The following PDZD2 variants were observed in gnomAD, a reference collection of about 807,000 sequenced individuals.
PDZD2 encodes the protein PDZ domain-containing protein 2.
PDZD2 carries 90 observed loss-of-function variants against 220.7 expected under a neutral mutation model. That is an observed-to-expected ratio of 0.41 (90% confidence interval 0.34 to 0.49). PDZD2 has a LOEUF of 0.49. PDZD2 is among the 20% of genes least tolerant of loss of function. The pLI, the probability that PDZD2 is intolerant of heterozygous loss-of-function variation, is 0.28. For missense variants in PDZD2, 3,174 were observed against 3,608.5 expected, an observed-to-expected ratio of 0.88 and a Z score of 3.08; for synonymous variants, 1,375 against 1,450.5, an observed-to-expected ratio of 0.95 and a Z score of 1.18.
At chr5:31,982,999 A>C (rs976934069) in intron 2 of PDZD2, among the ~76,000 whole-genome samples, 156 bp from the exon 3 acceptor site, 5 of 152,152 alleles carry the variant, frequency 3.3e-5, no homozygotes, top group African/African-American at 1.2e-4. Context: ...ATAGATGAAA[A>C]GAATGAATTG....
chr5:31,710,605 G>A (rs1748044713), intron 1 of PDZD2, among the ~76,000 whole-genome samples: 2 of 152,110 alleles, frequency 1.3e-5, no homozygotes, highest in South Asian at 4.1e-4. Flanking sequence ...ATCACCTCAG[G>A]TTAGGAGTTT....
chr5:31,878,574 T>TTTTTTTTTTTTTC (rs1739545282), intron 2 of PDZD2, among the ~76,000 whole-genome samples: 1 of 122,780 alleles, frequency 8.1e-6, no homozygotes, highest in Non-Finnish European at 1.6e-5. Flanking sequence ...TTTTTTTTTT[T>TTTTTTTTTTTTTC]TTTTTGAGAC....
intron 21 of PDZD2, among the ~76,000 whole-genome samples, chr5:32,094,688 CTCA>C (rs891108182): frequency 1.3e-5 from 2 of 149,364 alleles, no homozygotes; most frequent in African/African-American, 4.9e-5. Context: ...AGTGAGACCC[CTCA>C]TCTCTCAAAA....
intron 1 of PDZD2, among the ~76,000 whole-genome samples, chr5:31,647,536 C>G (rs965375707): frequency 6.6e-6 from 1 of 152,142 alleles, no homozygotes; most frequent in Non-Finnish European, 1.5e-5. Flanking sequence ...TGTGGACATT[C>G]CTTGCACTGC....
intron 6 of PDZD2, among the ~76,000 whole-genome samples, chr5:32,010,841 C>G (rs564491596): frequency 1.3e-5 from 2 of 151,292 alleles, no homozygotes; most frequent in African/African-American, 4.9e-5. Context: ...ACTAAAAATA[C>G]AAAAATTAGC....
chr5:31,710,501 C>G (rs1262640774), intron 1 of PDZD2, among the ~76,000 whole-genome samples: 2 of 152,154 alleles, frequency 1.3e-5, no homozygotes, highest in Non-Finnish European at 2.9e-5. Flanking sequence ...GCTTCTTTGA[C>G]CCCTAGTTTC....
chr5:32,076,822 A>G (rs192142979), intron 18 of PDZD2, among the ~76,000 whole-genome samples: 1 of 152,248 alleles, frequency 6.6e-6, no homozygotes, highest in Admixed American at 6.5e-5. Context: ...CTCAGCTGGT[A>G]ACTGACATTT....
At chr5:31,883,553 A>G (rs560664693) in intron 2 of PDZD2, among the ~76,000 whole-genome samples, 3 of 151,970 alleles carry the variant, frequency 2.0e-5, no homozygotes, top group South Asian at 2.1e-4. Flanking sequence ...AGAAAAGTAC[A>G]TGAATCAGAT....
intron 2 of PDZD2, among the ~76,000 whole-genome samples, chr5:31,939,369 G>C (rs1746028591): frequency 1.3e-5 from 2 of 152,188 alleles, no homozygotes; most frequent in South Asian, 4.1e-4. Flanking sequence ...CCAGACTGAG[G>C]TCTGGACTCC....
intron 2 of PDZD2, among the ~76,000 whole-genome samples, chr5:31,950,925 C>T (rs1747121265): frequency 6.6e-6 from 1 of 152,188 alleles, no homozygotes; most frequent in Non-Finnish European, 1.5e-5. Flanking sequence ...TTATTGCTCA[C>T]AGTTCTGGAG....
chr5:31,928,184 A>G (rs4867091), intron 2 of PDZD2, among the ~76,000 whole-genome samples: 140,904 of 152,196 alleles, frequency 0.93, 65,333 homozygotes, highest in African/African-American at 0.97. Context: ...TCTTCAAAGC[A>G]CTGCTTCCCT....
chr5:31,911,429 C>A (rs1021369651), intron 2 of PDZD2, among the ~76,000 whole-genome samples: 22 of 151,532 alleles, frequency 1.5e-4, no homozygotes, highest in Non-Finnish European at 2.6e-4. Context: ...CTGTGGATGC[C>A]ACCATGTGGC....
chr5:31,799,549 A>T lies in PDZD2; in HGVS notation c.301A>T (p.Arg101Trp), dbSNP rs1554076366. Residue 101 changes from arginine to tryptophan, a missense_variant, in exon 2 of 25, where the codon AGG becomes TGG. Physicochemically the swap from Arg to Trp is moderately radical, Grantham distance 101. Transcript: ENST00000438447. ...TTTCGGGGACTATGGTGAAAAGCGC[A>T]GGGGGGGCAAGAAGAGGAAAACCCA... ...PVFGDYGEKR[R>W]GGKKRKTHQG... 4.3e-6 allele frequency: 7 copies of T among 1,613,954 alleles called. No homozygotes were observed.
chr5:31,819,656 C>CAAAAAAAA (rs3032832), intron 2 of PDZD2, among the ~76,000 whole-genome samples: 1 of 110,486 alleles, frequency 9.1e-6, no homozygotes, highest in Non-Finnish European at 1.7e-5. Context: ...GACTCTGTCT[C>CAAAAAAAA]AAAAAAAAAA....
chr5:31,716,130 C>T (rs897690145), intron 1 of PDZD2, among the ~76,000 whole-genome samples: 1 of 152,196 alleles, frequency 6.6e-6, no homozygotes, highest in Non-Finnish European at 1.5e-5. Flanking sequence ...CATTCAATTT[C>T]AACATAATGA....
At chr5:31,727,731 C>T (rs1292673747) in intron 1 of PDZD2, among the ~76,000 whole-genome samples, 5 of 60,952 alleles carry the variant, frequency 8.2e-5, no homozygotes, top group Admixed American at 1.9e-4. Context: ...AGGCCGGGCG[C>T]GGTGGCTTCA....
At position 31,983,369 on chromosome 5, in the gene PDZD2, C is replaced by T. The variant is rs1362107179; in HGVS notation, c.691C>T (p.Pro231Ser). The T allele has an allele frequency of 1.2e-6, 2 of 1,614,042 alleles. No individual in the cohort carries two copies. Among genetic ancestry groups the T allele is most frequent in the African/African-American group, 1.3e-5 (1 of 74,902 alleles). Residue 231 changes from proline (P) to serine (S), a missense_variant, in exon 3 of 25, where the codon CCT (proline) becomes TCT (serine). Physicochemically the swap from Pro to Ser is moderately conservative, Grantham distance 74. Transcript: ENST00000438447. ...VISRPPANKAPEESKGSAGCE... is the reference protein window; with the variant it reads ...VISRPPANKASEESKGSAGCE... ...CTCCAGGCCTCCTGCCAACAAGGCC[C>T]CTGAAGAATCCAAGGGCAGCGCTGG...
At chr5:31,889,574 G>A (rs1322477674) in intron 2 of PDZD2, among the ~76,000 whole-genome samples, 1 of 152,156 alleles carries the variant, frequency 6.6e-6, no homozygotes, top group Non-Finnish European at 1.5e-5. Context: ...GTCTGAAAGG[G>A]CCATCTGAGT....
At chr5:31,683,139 C>T (rs1746714394) in intron 1 of PDZD2, among the ~76,000 whole-genome samples, 1 of 146,554 alleles carries the variant, frequency 6.8e-6, no homozygotes, top group Non-Finnish European at 1.5e-5. Flanking sequence ...ACTTTTACAG[C>T]TTGGCTTTGG....
Sources: gnomAD v4.1 joint callset for allele counts (sites outside exome capture counted in the v4.1 genomes callset) on GRCh38, gnomAD v4.1.1 for gene constraint, MANE v1.5 for transcripts, NCBI Gene and HGNC (gene_info 2026-07-23, HGNC 2026-07-21) for gene names.